The following GABRG3 variants were observed in gnomAD, a reference collection of about 807,000 sequenced individuals.
The protein encoded by GABRG3 is gamma-aminobutyric acid receptor subunit gamma-3.
GABRG3 carries 25 observed loss-of-function variants against 48.8 expected under a neutral mutation model. That is an observed-to-expected ratio of 0.51 (90% CI 0.37 to 0.72). GABRG3 has a LOEUF of 0.72. GABRG3 is among the 30% of genes least tolerant of loss of function. The pLI, the probability that GABRG3 is intolerant of heterozygous loss-of-function variation, is 0.00. For missense variants in GABRG3, 394 were observed against 577.9 expected (o/e 0.68, Z 3.26); for synonymous variants, 227 against 217.6 (o/e 1.04, Z -0.38).
intron 2 of GABRG3, among the ~76,000 whole-genome samples, chr15:26,994,899 T>C (rs948444883): frequency 2.0e-5 from 3 of 152,040 alleles, no homozygotes; most frequent in African/African-American, 4.8e-5. Flanking sequence ...CCCTAAAATG[T>C]TCTATGTGCA....
At chr15:27,106,305 A>G (rs1043818262) in intron 3 of GABRG3, among the ~76,000 whole-genome samples, 2 of 152,084 alleles carry the variant, frequency 1.3e-5, no homozygotes, top group Non-Finnish European at 2.9e-5. Context: ...GCAACTATGT[A>G]AGATGATAGA....
At chr15:27,111,905 C>T (rs977904162) in intron 3 of GABRG3, among the ~76,000 whole-genome samples, 1 of 152,006 alleles carries the variant, frequency 6.6e-6, no homozygotes, top group South Asian at 2.1e-4. Context: ...AAGTGATTTC[C>T]CCAGGAGAGT....
chr15:27,394,853 T>A (rs760491237), intron 5 of GABRG3, among the ~76,000 whole-genome samples: 9 of 152,334 alleles, frequency 5.9e-5, no homozygotes, highest in Non-Finnish European at 1.3e-4. Flanking sequence ...CTATGAGATT[T>A]TTTTTTCTTG....
In GABRG3 at chr15:27,095,765, G is replaced by A. The variant is rs528276880; in HGVS notation, c.270+68944G>A. ...AGTGTCCTCCCAGTGGAGCGCAGGA[G>A]GAGAGACCTGGTCCGGGAAGCACGT... On this transcript the variant is annotated intron_variant, in intron 3 of 9. Transcript: ENST00000615808. Among the ~76,000 whole-genome samples, 6 of 152,204 alleles carry A rather than the reference G, an allele frequency of 3.9e-5. No individual in the cohort carries two copies. In the South Asian group the frequency reaches 1.2e-3, roughly 32 times the overall value.
chr15:26,998,565 T>C (rs1895383578), intron 2 of GABRG3, among the ~76,000 whole-genome samples: 1 of 152,124 alleles, frequency 6.6e-6, no homozygotes, highest in Non-Finnish European at 1.5e-5. Flanking sequence ...AAACTCCCCC[T>C]AACTATGAGG....
At chr15:27,377,474 A>G (rs1045042067) in intron 5 of GABRG3, among the ~76,000 whole-genome samples, 5 of 152,212 alleles carry the variant, frequency 3.3e-5, no homozygotes, top group Admixed American at 6.5e-5. Context: ...ACAGTTCCAC[A>G]TGGCTGGGGA....
At chr15:27,343,382 G>T (rs1894257430) in intron 5 of GABRG3, among the ~76,000 whole-genome samples, 1 of 152,224 alleles carries the variant, frequency 6.6e-6, no homozygotes, top group Non-Finnish European at 1.5e-5. Context: ...AGTTTCCCCT[G>T]CTGGACTGCT....
At chr15:27,189,569 C>A (rs1253090071) in intron 3 of GABRG3, among the ~76,000 whole-genome samples, 1 of 151,954 alleles carries the variant, frequency 6.6e-6, no homozygotes, top group African/African-American at 2.4e-5. Context: ...GATTTTTGTA[C>A]ATTGATTTTG....
intron 3 of GABRG3, among the ~76,000 whole-genome samples, chr15:27,101,802 CA>C (rs1223565357): frequency 1.7e-5 from 2 of 120,094 alleles, no homozygotes; most frequent in Non-Finnish European, 3.3e-5. Context: ...TGTCTTAGGC[CA>C]TAGATAAAAT....
At position 27,260,537 on chromosome 15, in the gene GABRG3, T is replaced by TA. The variant is rs77166930; in HGVS notation, c.271-66266dup. ...TTCCAAGGATTCAACCAATCGTAAA[T>TA]AAAAAATATTTAAATTGTGCTGGAG... On this transcript the variant is annotated intron_variant, in intron 3 of 9. Coordinates refer to ENST00000615808, the MANE Select transcript of GABRG3 (RefSeq NM_033223.5). 5.5e-3 allele frequency among the ~76,000 whole-genome samples: 841 copies of TA among 152,204 alleles called. 24 individuals are homozygous for TA. The East Asian group carries it at 0.073, about 13-fold the overall frequency.
intron 3 of GABRG3, among the ~76,000 whole-genome samples, chr15:27,067,727 G>A (rs1896761023): frequency 6.6e-6 from 1 of 152,144 alleles, no homozygotes; most frequent in Non-Finnish European, 1.5e-5. Flanking sequence ...GTCTGTTCAG[G>A]CGGCTCTGCC....
intron 3 of GABRG3, among the ~76,000 whole-genome samples, chr15:27,071,875 T>G (rs1344269432): frequency 1.3e-5 from 2 of 152,246 alleles, no homozygotes; most frequent in Non-Finnish European, 2.9e-5. Context: ...ATTACTTGAT[T>G]AGTTGATTAC....
chr15:26,986,981 A>G lies in GABRG3; in HGVS notation c.202+9831A>G, dbSNP rs142245615. On this transcript the variant is annotated intron_variant, in intron 2 of 9. Transcript: ENST00000615808. Reference sequence around the variant, plus strand: ...AACGAAATAATTAAACCTATATTCCAAGTCCTGCTGTAAGAATTACAGGTA... The same window carrying G: ...AACGAAATAATTAAACCTATATTCCGAGTCCTGCTGTAAGAATTACAGGTA... Among the ~76,000 whole-genome samples the G allele has an allele frequency of 3.1e-3, 477 of 152,292 alleles. 1 individual carries two copies. The highest frequency in any genetic ancestry group is 6.0e-3 in the Non-Finnish European group (407 of 68,034).
At chr15:27,307,752 TAAAC>T (rs1180110221) in intron 3 of GABRG3, among the ~76,000 whole-genome samples, 47 of 124,864 alleles carry the variant, frequency 3.8e-4, no homozygotes, top group African/African-American at 1.5e-3. Flanking sequence ...GGTTTATATA[TAAAC>T]ATATAAAATA....
At position 27,214,495 on chromosome 15, in the gene GABRG3, G is replaced by A. The variant is rs146173917; in HGVS notation, c.271-112314G>A. ...GCCTCTGACTTAACTTTTCAGTTTTGGGTAAGCTACGTATGAAGAAAAAAG... is the reference window on the plus strand; with the variant it reads ...GCCTCTGACTTAACTTTTCAGTTTTAGGTAAGCTACGTATGAAGAAAAAAG... On this transcript the variant is annotated intron_variant, in intron 3 of 9. Coordinates refer to ENST00000615808, the MANE Select transcript of GABRG3 (RefSeq NM_033223.5). Among the ~76,000 whole-genome samples the A allele has an allele frequency of 6.6e-4, 100 of 151,558 alleles. 1 individual carries two copies. The highest frequency in any genetic ancestry group is 2.3e-3 in the African/African-American group (96 of 41,270).
chr15:27,468,900 A>C (rs923077129), intron 5 of GABRG3, among the ~76,000 whole-genome samples: 1 of 152,250 alleles, frequency 6.6e-6, no homozygotes, highest in African/African-American at 2.4e-5. Flanking sequence ...ACAATGAAAA[A>C]GAAATTTGTG....
At chr15:27,479,972 C>G (rs904729597) in intron 5 of GABRG3, among the ~76,000 whole-genome samples, 1 of 152,202 alleles carries the variant, frequency 6.6e-6, no homozygotes, top group African/African-American at 2.4e-5. Flanking sequence ...AGCTCTGGCT[C>G]AGGGAGCCAG....
intron 3 of GABRG3, among the ~76,000 whole-genome samples, chr15:27,040,189 CG>C (rs1896251989): frequency 6.6e-6 from 1 of 152,200 alleles, no homozygotes; most frequent in Non-Finnish European, 1.5e-5. Context: ...TTGCTGTGTT[CG>C]GGGTGGCCCA....
chr15:27,356,304 T>G (rs1024368521), intron 5 of GABRG3, among the ~76,000 whole-genome samples: 1 of 152,142 alleles, frequency 6.6e-6, no homozygotes, highest in Non-Finnish European at 1.5e-5. Flanking sequence ...TAACCAAAGT[T>G]GACCTCTCAC....
Sources: gnomAD v4.1 joint callset for allele counts (sites outside exome capture counted in the v4.1 genomes callset) on GRCh38, gnomAD v4.1.1 for gene constraint, MANE v1.5 for transcripts, NCBI Gene and HGNC (gene_info 2026-07-23, HGNC 2026-07-21) for gene names.